Variants in LSAMP observed in about 807,000 individuals in gnomAD.
LSAMP encodes limbic system associated membrane protein.
LSAMP carries 7 observed loss-of-function variants against 38.6 expected under a neutral mutation model. The ratio of observed to expected loss-of-function variants is 0.18; its 90% CI spans 0.10 to 0.34. The LOEUF (loss-of-function observed/expected upper bound fraction) is 0.34, where lower values mean the gene tolerates loss of function less well. Among genes scored for constraint, LSAMP ranks in the 10% least tolerant of loss-of-function variants. The pLI is 1.00. For synonymous variants in LSAMP, 154 were observed against 166.8 expected (o/e 0.92, Z 0.59); for missense variants, 313 against 420.0 (o/e 0.75, Z 2.23).
intron 1 of LSAMP, among the ~76,000 whole-genome samples, chr3:116,400,114 A>C (rs2048818802): frequency 6.6e-6 from 1 of 152,076 alleles, no homozygotes; most frequent in African/African-American, 2.4e-5. Flanking sequence ...AAAACCCCTA[A>C]ATTTCCTTGA....
intron 1 of LSAMP, among the ~76,000 whole-genome samples, chr3:116,383,854 T>C (rs1476379815): frequency 6.6e-6 from 1 of 152,088 alleles, no homozygotes; most frequent in Non-Finnish European, 1.5e-5. Flanking sequence ...CTTTGACAGA[T>C]CATTATGAGA....
At chr3:116,219,722 A>G (rs991301121) in intron 1 of LSAMP, among the ~76,000 whole-genome samples, 1 of 152,220 alleles carries the variant, frequency 6.6e-6, no homozygotes, top group Non-Finnish European at 1.5e-5. Context: ...CATATACCTG[A>G]TAAGGGGATA....
At chr3:116,440,170 G>A (rs1461713335) in intron 1 of LSAMP, among the ~76,000 whole-genome samples, 1 of 152,176 alleles carries the variant, frequency 6.6e-6, no homozygotes, top group African/African-American at 2.4e-5. Context: ...AGAAAAACAG[G>A]GCCAGTGGCT....
chr3:115,927,446 C>T (rs948185647), intron 3 of LSAMP, among the ~76,000 whole-genome samples: 4 of 152,198 alleles, frequency 2.6e-5, no homozygotes, highest in Non-Finnish European at 5.9e-5. Flanking sequence ...CTACCTGCCT[C>T]CCACACACAG....
intron 2 of LSAMP, among the ~76,000 whole-genome samples, chr3:116,027,716 C>A (rs1310886508): frequency 6.6e-6 from 1 of 152,100 alleles, no homozygotes; most frequent in African/African-American, 2.4e-5. Flanking sequence ...ATCTACAAAG[C>A]CATTTAATTC....
At chr3:116,384,404 T>C (rs138636454) in intron 1 of LSAMP, among the ~76,000 whole-genome samples, 7 of 152,276 alleles carry the variant, frequency 4.6e-5, no homozygotes, top group African/African-American at 1.7e-4. Flanking sequence ...CACCCTATGA[T>C]GCATGGCCTA....
At chr3:115,893,882 C>A (rs1936663907) in intron 3 of LSAMP, among the ~76,000 whole-genome samples, 1 of 151,956 alleles carries the variant, frequency 6.6e-6, no homozygotes, top group Non-Finnish European at 1.5e-5. Context: ...AGATAGATGA[C>A]CGTGCTGGGA....
At chr3:116,358,507 C>A (rs1326441450) in intron 1 of LSAMP, among the ~76,000 whole-genome samples, 1 of 152,106 alleles carries the variant, frequency 6.6e-6, no homozygotes, top group South Asian at 2.1e-4. Flanking sequence ...CCCCTCCCCA[C>A]ACTTGGACGG....
At chr3:115,978,540 A>G (rs1939258118) in intron 3 of LSAMP, among the ~76,000 whole-genome samples, 1 of 152,152 alleles carries the variant, frequency 6.6e-6, no homozygotes, top group South Asian at 2.1e-4. Flanking sequence ...TTTTAATGAT[A>G]GTGACAAATT....
chr3:115,857,125 G>A (rs1299901554), intron 3 of LSAMP, among the ~76,000 whole-genome samples: 5 of 152,208 alleles, frequency 3.3e-5, no homozygotes, highest in African/African-American at 1.2e-4. Context: ...GCCATGTGGA[G>A]TTATCGTTTT....
At chr3:115,831,341 CTGAT>C (rs1934603377) in intron 6 of LSAMP, among the ~76,000 whole-genome samples, 2 of 152,274 alleles carry the variant, frequency 1.3e-5, no homozygotes, top group East Asian at 1.9e-4. Context: ...AAGGGATAGG[CTGAT>C]TGAGTCCAGA....
At chr3:116,291,801 C>T (rs544549740) in intron 1 of LSAMP, among the ~76,000 whole-genome samples, 2 of 152,152 alleles carry the variant, frequency 1.3e-5, no homozygotes, top group Non-Finnish European at 2.9e-5. Flanking sequence ...ACAGACACAT[C>T]CATTTTCAGG....
chr3:116,347,144 G>A (rs991067827), intron 1 of LSAMP, among the ~76,000 whole-genome samples: 12 of 152,110 alleles, frequency 7.9e-5, no homozygotes, highest in African/African-American at 2.9e-4. Flanking sequence ...TATACTTTGA[G>A]CATTAAAGTG....
rs73858564 is a variant in LSAMP at position 116,222,497 on chromosome 3, T to C, written c.156-135941A>G. 6.8e-3 allele frequency among the ~76,000 whole-genome samples: 1,028 copies of C among 152,218 alleles called. 10 individuals carry two copies. Among genetic ancestry groups the C allele is most frequent in the African/African-American group, 0.024 (983 of 41,534 alleles). On this transcript the variant is annotated intron_variant, in intron 1 of 6. Transcript: ENST00000490035. ...GGCTTAAACTCATAATTTTCCATCC[T>C]ACTTTTGTTCGTTGGACTTTCAGTC...
At chr3:116,159,586 A>G (rs978768959) in intron 1 of LSAMP, among the ~76,000 whole-genome samples, 1 of 152,228 alleles carries the variant, frequency 6.6e-6, no homozygotes, top group Non-Finnish European at 1.5e-5. Flanking sequence ...TATTATTAAA[A>G]AGTCAAGAAA....
intron 4 of LSAMP, among the ~76,000 whole-genome samples, chr3:115,846,422 T>C (rs1935161191): frequency 6.6e-6 from 1 of 152,226 alleles, no homozygotes; most frequent in African/African-American, 2.4e-5. Flanking sequence ...CATTTAATCT[T>C]ACTAATATTG....
At chr3:116,239,515 A>G (rs1349535507) in intron 1 of LSAMP, among the ~76,000 whole-genome samples, 1 of 152,258 alleles carries the variant, frequency 6.6e-6, no homozygotes, top group Non-Finnish European at 1.5e-5. Context: ...ATAGTATATT[A>G]GGGAATATGT....
intron 1 of LSAMP, among the ~76,000 whole-genome samples, chr3:116,172,934 T>C (rs1710239497): frequency 6.6e-6 from 1 of 151,772 alleles, no homozygotes; most frequent in Non-Finnish European, 1.5e-5. Context: ...GGAAAGAGGA[T>C]GGGAAATGAT....
At chr3:116,248,627 G>C (rs2046634749) in intron 1 of LSAMP, among the ~76,000 whole-genome samples, 1 of 152,022 alleles carries the variant, frequency 6.6e-6, no homozygotes, top group Admixed American at 6.6e-5. Context: ...AAAGGAGGCA[G>C]GCAGTATTCT....
Sources: gnomAD v4.1 joint callset for allele counts (sites outside exome capture counted in the v4.1 genomes callset) on GRCh38, gnomAD v4.1.1 for gene constraint, MANE v1.5 for transcripts, NCBI Gene and HGNC (gene_info 2026-07-23, HGNC 2026-07-21) for gene names.